PTPRZ1: variants seen among roughly 807,000 people sequenced by gnomAD.
PTPRZ1 encodes protein tyrosine phosphatase receptor type Z1.
Under a neutral mutation model 214.1 loss-of-function variants are expected in PTPRZ1, and 82 were observed. That is an observed-to-expected ratio of 0.38 (90% CI 0.32 to 0.46). PTPRZ1 has a LOEUF of 0.46. Ranked by LOEUF, PTPRZ1 falls within the 20% of genes least tolerant of loss-of-function variation. The pLI, the probability that PTPRZ1 is intolerant of heterozygous loss-of-function variation, is 1.00. For synonymous variants in PTPRZ1, 945 were observed against 987.9 expected, an observed-to-expected ratio of 0.96 and a Z score of 0.81; for missense variants, 2,603 against 2,748.7, an observed-to-expected ratio of 0.95 and a Z score of 1.19.
At chr7:122,040,741 TG>T (rs1394506073) in intron 20 of PTPRZ1, 74 bp from the exon 21 acceptor site, 1 of 283,510 alleles carries the variant, frequency 3.5e-6, no homozygotes, top group Non-Finnish European at 5.5e-6. Flanking sequence ...TGTGTGTGTG[TG>T]TGTGTGTGTG....
intron 1 of PTPRZ1, among the ~76,000 whole-genome samples, chr7:121,909,316 A>G (rs1795203837): frequency 6.6e-6 from 1 of 152,154 alleles, no homozygotes; most frequent in African/African-American, 2.4e-5. Context: ...TGAAACAGCA[A>G]TCAAAATGAC....
At chr7:122,048,796 C>T (rs1278580452) in intron 23 of PTPRZ1, among the ~76,000 whole-genome samples, 2 of 152,072 alleles carry the variant, frequency 1.3e-5, no homozygotes, top group African/African-American at 4.8e-5. Flanking sequence ...TTTAATGTCA[C>T]ATTTTACCAA....
At chr7:121,998,987 A>C (rs1798235917) in intron 10 of PTPRZ1, among the ~76,000 whole-genome samples, 1 of 152,176 alleles carries the variant, frequency 6.6e-6, no homozygotes, top group African/African-American at 2.4e-5. Context: ...ACTTTAATCC[A>C]ACATGAGCTT....
intron 1 of PTPRZ1, among the ~76,000 whole-genome samples, chr7:121,898,365 T>G (rs1358210991): frequency 6.6e-6 from 1 of 152,186 alleles, no homozygotes; most frequent in South Asian, 2.1e-4. Flanking sequence ...CCAAAAATGC[T>G]GTTGTTGCAT....
intron 15 of PTPRZ1, chr7:122,031,776 G>A: frequency 3.5e-6 from 1 of 288,614 alleles, no homozygotes; most frequent in Non-Finnish European, 6.4e-6. Context: ...TTGTACTGGT[G>A]GAAACATAAA....
chr7:121,902,767 C>T (rs374461402), intron 1 of PTPRZ1, among the ~76,000 whole-genome samples: 11 of 151,718 alleles, frequency 7.3e-5, no homozygotes, highest in African/African-American at 2.7e-4. Flanking sequence ...TTTCTTTTAC[C>T]TATTACAATC....
chr7:121,927,046 TA>T (rs1390307880), intron 1 of PTPRZ1, among the ~76,000 whole-genome samples: 1 of 152,194 alleles, frequency 6.6e-6, no homozygotes, highest in Non-Finnish European at 1.5e-5. Context: ...AATCAGATAG[TA>T]TATAACATGA....
At chr7:122,059,628 A>G in intron 28 of PTPRZ1, 125 bp from the exon 29 acceptor site, 3 of 1,074,006 alleles carry the variant, frequency 2.8e-6, no homozygotes, top group Non-Finnish European at 3.9e-6. Flanking sequence ...GCGAAGAGAG[A>G]CAATTCATTA....
Position 122,060,770 on chromosome 7 carries a change from C to T in PTPRZ1, c.6808-310C>T, listed in dbSNP as rs73717782. 3.9e-3 allele frequency among the ~76,000 whole-genome samples: 592 copies of T among 152,278 alleles called. 5 individuals are homozygous for T. The highest frequency in any genetic ancestry group is 0.014 in the African/African-American group (565 of 41,560). On this transcript the variant is annotated intron_variant, in intron 29 of 29. Transcript: ENST00000393386. ...TGAGTTACAGATGTCCAGTGCCAAA[C>T]GGTTTCGCCCACAAGTTAACAGAAC...
chr7:121,881,386 T>A (rs1334283602), intron 1 of PTPRZ1, among the ~76,000 whole-genome samples: 6 of 152,208 alleles, frequency 3.9e-5, no homozygotes, highest in Non-Finnish European at 5.9e-5. Context: ...GACTTTTAAA[T>A]CATACTGATG....
At chr7:121,954,061 AT>A (rs1441496134) in intron 2 of PTPRZ1, among the ~76,000 whole-genome samples, 1 of 152,144 alleles carries the variant, frequency 6.6e-6, no homozygotes, top group Non-Finnish European at 1.5e-5. Flanking sequence ...CAAATATTAA[AT>A]CTTAACTTTT....
chr7:121,903,210 T>A (rs1177704610), intron 1 of PTPRZ1, among the ~76,000 whole-genome samples: 2 of 152,188 alleles, frequency 1.3e-5, no homozygotes, highest in Non-Finnish European at 2.9e-5. Context: ...GTTATTATAG[T>A]TAGGTACCAT....
chr7:122,013,628 A>G lies in PTPRZ1; in HGVS notation c.4582A>G (p.Ser1528Gly). Residue 1528 changes from serine to glycine, a missense_variant, in exon 12 of 30, where the codon AGT (serine) becomes GGT (glycine). This residue lies in a region of PTPRZ1 where 1,913 missense variants were observed against 1,914.3 expected (regional missense o/e 1.00). Transcript: ENST00000393386. The stretch of plus-strand genomic sequence containing the variant: ...AGAGGAAAATGACATTCAGACTGGT[A>G]GTGCTCTGCTTCCTCTCAGCCCTGA... Reference protein sequence around the residue: ...GKEENDIQTGSALLPLSPESK... With the variant: ...GKEENDIQTGGALLPLSPESK... 1 of 1,614,242 alleles carries G rather than the reference A, an allele frequency of 6.2e-7. No individual in the cohort carries two copies. The highest frequency in any genetic ancestry group is 1.1e-5 in the South Asian group (1 of 91,090).
At chr7:121,879,824 C>T (rs532789542) in intron 1 of PTPRZ1, among the ~76,000 whole-genome samples, 1 of 151,914 alleles carries the variant, frequency 6.6e-6, no homozygotes, top group Non-Finnish European at 1.5e-5. Context: ...CCCTTTCCTC[C>T]CTTCTTCCCT....
In PTPRZ1 at chr7:122,011,694, C is replaced by T. The variant is rs1223857186; in HGVS notation, c.2648C>T (p.Thr883Ile). ...CAGTATTCTGATGTGCTGTCCACTA[C>T]TCATGCTGCTTCAGAGACGCTGGAA... Reference protein sequence around the residue: ...LAQYSDVLSTTHAASETLEFG... With the variant: ...LAQYSDVLSTIHAASETLEFG... Residue 883 changes from threonine to isoleucine, a missense_variant, in exon 12 of 30, where the codon ACT (threonine) becomes ATT (isoleucine). Transcript: ENST00000393386. The T allele has an allele frequency of 2.5e-6, 4 of 1,614,114 alleles. No individual in the cohort carries two copies. Among genetic ancestry groups the T allele is most frequent in the Non-Finnish European group, 2.5e-6 (3 of 1,180,024 alleles).
chr7:121,884,815 T>C (rs934785550), intron 1 of PTPRZ1, among the ~76,000 whole-genome samples: 1 of 152,242 alleles, frequency 6.6e-6, no homozygotes, highest in Admixed American at 6.5e-5. Flanking sequence ...AGATTTTAAG[T>C]CTGTGGAAAT....
At chr7:121,946,684 G>T (rs899067393) in intron 2 of PTPRZ1, among the ~76,000 whole-genome samples, 3 of 152,072 alleles carry the variant, frequency 2.0e-5, no homozygotes, top group Non-Finnish European at 4.4e-5. Context: ...CTAATTACAA[G>T]ACAGAGAATA....
rs536622877 is a variant in PTPRZ1, at chr7:121,954,413, A to C, written c.125-13538A>C. Among the ~76,000 whole-genome samples the C allele has an allele frequency of 5.3e-5, 8 of 152,122 alleles. No individual in the cohort carries two copies. The South Asian group carries it at 1.2e-3, about 24-fold the overall frequency. On this transcript the variant is annotated intron_variant, in intron 2 of 29. Transcript: ENST00000393386. ...TACTATTCTTCCCAAACAGCCATGC[A>C]CTCTGTCTTCCTAGATGCCTTCAGC...
intron 2 of PTPRZ1, among the ~76,000 whole-genome samples, chr7:121,965,834 C>A (rs1355487444): frequency 6.6e-6 from 1 of 152,156 alleles, no homozygotes; most frequent in African/African-American, 2.4e-5. Context: ...CTAGTGGAGT[C>A]TAAGCCAGTG....
Sources: gnomAD v4.1 joint callset for allele counts (sites outside exome capture counted in the v4.1 genomes callset) on GRCh38, gnomAD v4.1.1 for gene constraint, gnomAD v4.1.1 regional missense constraint, MANE v1.5 for transcripts, NCBI Gene and HGNC (gene_info 2026-07-23, HGNC 2026-07-21) for gene names.